SMARCAD1: variants seen among roughly 807,000 people sequenced by gnomAD.
SMARCAD1 encodes the protein SNF2 related chromatin remodeling ATPase with DExD box 1.
A neutral mutation model predicts 127.1 loss-of-function variants in SMARCAD1; 25 were observed. That is an observed-to-expected ratio of 0.20 (90% CI 0.14 to 0.27). SMARCAD1 has a LOEUF of 0.27. SMARCAD1 is among the 10% of genes least tolerant of loss of function. SMARCAD1 has a pLI of 1.00. For missense variants in SMARCAD1, 807 were observed against 1,206.0 expected (o/e 0.67, Z 4.90); for synonymous variants, 400 against 396.9 (o/e 1.01, Z -0.09).
At chr4:94,220,561 A>C (rs1743956613) in intron 2 of SMARCAD1, among the ~76,000 whole-genome samples, 1 of 152,100 alleles carries the variant, frequency 6.6e-6, no homozygotes. Flanking sequence ...ATCAGTTTTC[A>C]AAGTGTGGTC....
At chr4:94,280,982 T>C (rs201049914) in intron 20 of SMARCAD1, among the ~76,000 whole-genome samples, 6 of 60,608 alleles carry the variant, frequency 9.9e-5, no homozygotes, top group African/African-American at 2.5e-4. Flanking sequence ...AATAGAAAGT[T>C]AGTAGACTGT....
rs543876489 is a variant in SMARCAD1, at chr4:94,220,840, T to A, written c.191-5279T>A. 3.3e-5 allele frequency among the ~76,000 whole-genome samples: 5 copies of A among 152,322 alleles called. No homozygotes were observed. The East Asian group carries it at 7.7e-4, about 23-fold the overall frequency. On this transcript the variant is annotated intron_variant, in intron 2 of 23. Coordinates refer to ENST00000354268, the MANE Select transcript of SMARCAD1 (RefSeq NM_020159.5). The stretch of plus-strand genomic sequence containing the variant: ...CTCTTGAAGCAGTAAAAATTAGTAA[T>A]TTTATTAAATCTCAACTTAGGAGAT...
At chr4:94,226,891 G>A (rs4558832) in intron 3 of SMARCAD1, among the ~76,000 whole-genome samples, 82,977 of 151,214 alleles carry the variant, frequency 0.55, 23,273 homozygotes, top group East Asian at 0.72. Context: ...TTTTCTAGAG[G>A]TGGGGTCTTG....
intron 3 of SMARCAD1, 105 bp downstream of exon 3, chr4:94,226,401 T>C (rs75735489): frequency 0.014 from 7,853 of 551,480 alleles, 14 homozygotes; most frequent in African/African-American, 0.064. Context: ...TTTTTTTTTT[T>C]CTTTTTTTTT....
Position 94,277,055 on chromosome 4 carries a change from G to A in SMARCAD1, c.1978G>A (p.Val660Ile), listed in dbSNP as rs753959232. The A allele has an allele frequency of 1.9e-6, 3 of 1,614,052 alleles. No individual in the cohort carries two copies. The highest frequency in any genetic ancestry group is 3.3e-5 in the Admixed American group (2 of 60,022). The change falls in exon 16 of 24, where the codon GTA (valine) becomes ATA (isoleucine). Residue 660 changes from valine (V) to isoleucine (I), a missense_variant. Physicochemically the swap from Val to Ile is conservative, Grantham distance 29. This residue lies in a region of SMARCAD1 where 148 missense variants were observed against 313.2 expected (regional missense o/e 0.47). Transcript: ENST00000354268. ...CCGTTTGCTGCTCACAGGCACACCT[G>A]TACAGAACAATCTGTTAGAACTCAT... Reference protein sequence around the residue: ...NNRLLLTGTPVQNNLLELMSL... With the variant: ...NNRLLLTGTPIQNNLLELMSL...
At chr4:94,243,971 C>T (rs1337927595) in intron 6 of SMARCAD1, among the ~76,000 whole-genome samples, 1 of 152,092 alleles carries the variant, frequency 6.6e-6, no homozygotes, top group African/African-American at 2.4e-5. Flanking sequence ...AAAAACATAA[C>T]GATACATCCC....
chr4:94,216,794 G>C (rs186816452), intron 2 of SMARCAD1, among the ~76,000 whole-genome samples: 2 of 152,200 alleles, frequency 1.3e-5, no homozygotes, highest in African/African-American at 2.4e-5. Context: ...ATATTTCACT[G>C]TGTGTATATA....
At chr4:94,257,588 C>G (rs1183517186) in intron 9 of SMARCAD1, among the ~76,000 whole-genome samples, 1 of 152,076 alleles carries the variant, frequency 6.6e-6, no homozygotes, top group African/African-American at 2.4e-5. Context: ...TCCCCATCCC[C>G]AAATTGTTTA....
chr4:94,235,344 C>T (rs555384150), intron 4 of SMARCAD1, among the ~76,000 whole-genome samples: 13 of 145,660 alleles, frequency 8.9e-5, no homozygotes, highest in South Asian at 8.8e-4. Context: ...AAAGATTCGT[C>T]GCTGTTGCAG....
intron 7 of SMARCAD1, among the ~76,000 whole-genome samples, chr4:94,250,378 G>C (rs1749108910): frequency 6.6e-6 from 1 of 152,014 alleles, no homozygotes; most frequent in South Asian, 2.1e-4. Context: ...GCAAAATCTT[G>C]TTGCAATATT....
At chr4:94,273,741 A>G in intron 12 of SMARCAD1, 25 bp downstream of exon 12, 3 of 1,556,736 alleles carry the variant, frequency 1.9e-6, no homozygotes, top group Non-Finnish European at 2.7e-6. Context: ...AGACAACTGT[A>G]TTTAACTTTA....
chr4:94,282,329 C>G (rs1300880626), intron 21 of SMARCAD1, among the ~76,000 whole-genome samples: 2 of 150,936 alleles, frequency 1.3e-5, no homozygotes, highest in African/African-American at 4.9e-5. Context: ...ATCTCCTGAC[C>G]TCGTGATCCG....
chr4:94,243,280 G>C (rs1372839849), intron 6 of SMARCAD1, among the ~76,000 whole-genome samples: 1 of 152,218 alleles, frequency 6.6e-6, no homozygotes, highest in Non-Finnish European at 1.5e-5. Context: ...TCAGGTAATA[G>C]TTGAAGAAGG....
At chr4:94,220,065 G>A (rs1433010720) in intron 2 of SMARCAD1, among the ~76,000 whole-genome samples, 9 of 152,018 alleles carry the variant, frequency 5.9e-5, no homozygotes, top group Non-Finnish European at 1.2e-4. Flanking sequence ...TATTTGCTTT[G>A]AATTAAAAAG....
intron 2 of SMARCAD1, among the ~76,000 whole-genome samples, chr4:94,219,232 T>G (rs1743698419): frequency 6.6e-6 from 1 of 152,202 alleles, no homozygotes; most frequent in Non-Finnish European, 1.5e-5. Flanking sequence ...ATACATGATT[T>G]GAATATCAGA....
chr4:94,285,475 C>T (rs761520194), intron 23 of SMARCAD1, among the ~76,000 whole-genome samples: 3 of 152,022 alleles, frequency 2.0e-5, no homozygotes, highest in Admixed American at 6.6e-5. Context: ...TGTCAACTTA[C>T]GATACACTCT....
intron 2 of SMARCAD1, among the ~76,000 whole-genome samples, chr4:94,213,645 G>A (rs555136611): frequency 2.0e-4 from 31 of 152,208 alleles, no homozygotes; most frequent in Middle Eastern, 3.4e-3. Context: ...AGGCAACTGA[G>A]GGGAGTTGTA....
intron 5 of SMARCAD1, among the ~76,000 whole-genome samples, chr4:94,239,567 T>TTG (rs1553916063): frequency 3.3e-5 from 5 of 151,444 alleles, no homozygotes; most frequent in Non-Finnish European, 5.9e-5. Flanking sequence ...GTTGTGTTTT[T>TTG]TTTTTTTTTT....
intron 14 of SMARCAD1, among the ~76,000 whole-genome samples, chr4:94,275,797 T>TTTTATTTTATTTTACTTTA (rs771113021): frequency 1.9e-5 from 2 of 103,368 alleles, no homozygotes; most frequent in Non-Finnish European, 3.9e-5. Context: ...TAACATTTTC[T>TTTTATTTTATTTTACTTTA]TTTTTTTTTT....
Sources: gnomAD v4.1 joint callset for allele counts (sites outside exome capture counted in the v4.1 genomes callset) on GRCh38, gnomAD v4.1.1 for gene constraint, gnomAD v4.1.1 regional missense constraint, MANE v1.5 for transcripts, NCBI Gene and HGNC (gene_info 2026-07-23, HGNC 2026-07-21) for gene names.